SLC38A6: variants seen among roughly 807,000 people sequenced by gnomAD.
The protein encoded by SLC38A6 is solute carrier family 38 member 6.
In SLC38A6, 73 loss-of-function variants were observed where a neutral mutation model predicts 65.0. That is an observed-to-expected ratio of 1.12 (90% CI 0.93 to 1.37). The LOEUF (loss-of-function observed/expected upper bound fraction) is 1.37, where lower values mean the gene tolerates loss of function less well. Ranked by LOEUF, SLC38A6 falls within the 40% of genes most tolerant of loss-of-function variation. SLC38A6 has a pLI of 0.00. For missense variants in SLC38A6, 561 were observed against 531.1 expected, an observed-to-expected ratio of 1.06 and a Z score of -0.55; for synonymous variants, 183 against 178.8, an observed-to-expected ratio of 1.02 and a Z score of -0.19.
chr14:60,992,289 T>C (rs1417651460), intron 3 of SLC38A6, among the ~76,000 whole-genome samples: 1 of 152,206 alleles, frequency 6.6e-6, no homozygotes, highest in Non-Finnish European at 1.5e-5. Flanking sequence ...ATTAAACTTA[T>C]CTTTCATCTT....
intron 15 of SLC38A6, among the ~76,000 whole-genome samples, chr14:61,074,209 T>C (rs978366895): frequency 1.3e-5 from 2 of 152,230 alleles, no homozygotes; most frequent in Non-Finnish European, 2.9e-5. Context: ...AATACATTTA[T>C]ATTTGCTGAA....
chr14:61,036,061 T>A (rs772806880), intron 6 of SLC38A6, among the ~76,000 whole-genome samples: 25 of 152,106 alleles, frequency 1.6e-4, no homozygotes, highest in Non-Finnish European at 3.2e-4. Context: ...TCCTGAAATT[T>A]GGAAAAATGT....
chr14:61,047,932 T>C (rs2042249870), intron 12 of SLC38A6, among the ~76,000 whole-genome samples: 1 of 151,952 alleles, frequency 6.6e-6, no homozygotes, highest in Non-Finnish European at 1.5e-5. Context: ...GGCAGATAGA[T>C]GGGTGGATGA....
chr14:61,052,518 C>T lies in SLC38A6; in HGVS notation c.*89C>T. 3.5e-6 allele frequency: 5 copies of T among 1,443,820 alleles called. No individual in the cohort carries two copies. Among genetic ancestry groups the T allele is most frequent in the Non-Finnish European group, 4.5e-6 (5 of 1,104,264 alleles). The allele number at this position is 1,443,820 out of a possible 1,614,324, so 89.4% of individuals were successfully genotyped here. On this transcript the variant is annotated 3_prime_UTR_variant, in exon 16 of 16. Transcript: ENST00000267488. ...GGAAGACACCCTGGATGAAAAATAA[C>T]ATTTTAATAAAAATTATTAACAGAA...
chr14:60,998,023 A>G (rs1379640217), intron 3 of SLC38A6, among the ~76,000 whole-genome samples: 1 of 151,716 alleles, frequency 6.6e-6, no homozygotes, highest in African/African-American at 2.4e-5. Flanking sequence ...GAAAAAGCTC[A>G]TAGTCTAATA....
intron 1 of SLC38A6, chr14:60,981,604 A>G: frequency 6.7e-7 from 1 of 1,489,094 alleles, no homozygotes; most frequent in Non-Finnish European, 8.9e-7. Flanking sequence ...AAAGATGAAA[A>G]GCGTCGGGTG....
intron 5 of SLC38A6, among the ~76,000 whole-genome samples, chr14:61,028,683 G>C (rs2139646552): frequency 6.6e-6 from 1 of 152,200 alleles, no homozygotes; most frequent in Non-Finnish European, 1.5e-5. Context: ...CTGAGACATA[G>C]CTGTACTTCT....
At chr14:61,002,634 G>A (rs780211692) in intron 3 of SLC38A6, among the ~76,000 whole-genome samples, 1 of 152,160 alleles carries the variant, frequency 6.6e-6, no homozygotes, top group African/African-American at 2.4e-5. Flanking sequence ...AACGATTCCT[G>A]TGGAGGCCAA....
chr14:61,031,023 T>C (rs2040953223), intron 6 of SLC38A6: 1 of 152,124 alleles, frequency 6.6e-6, no homozygotes, highest in African/African-American at 2.4e-5. Flanking sequence ...GGCAAAAAAA[T>C]AAATTATTTG....
chr14:61,023,286 A>G (rs1337632746), intron 5 of SLC38A6, among the ~76,000 whole-genome samples: 1 of 152,170 alleles, frequency 6.6e-6, no homozygotes, highest in Non-Finnish European at 1.5e-5. Context: ...ATATATTGAA[A>G]TAGGCTGGGT....
Position 61,078,474 on chromosome 14 carries a change from G to A in SLC38A6, c.1291-336G>A, listed in dbSNP as rs912742690. Reference sequence around the variant, plus strand: ...AGCTGAAGGGTAGGATCCTGATGTAGAGAATGCTGGACCCAGGCTGAGCTT... The same window carrying A: ...AGCTGAAGGGTAGGATCCTGATGTAAAGAATGCTGGACCCAGGCTGAGCTT... On this transcript the variant is annotated intron_variant, in intron 15 of 16. Coordinates refer to the SLC38A6 transcript ENST00000354886. 4.6e-5 allele frequency among the ~76,000 whole-genome samples: 7 copies of A among 152,166 alleles called. No individual in the cohort carries two copies. The South Asian group carries it at 1.5e-3, about 32-fold the overall frequency.
chr14:61,020,440 G>A, intron 5 of SLC38A6, among the ~76,000 whole-genome samples: 1 of 152,046 alleles, frequency 6.6e-6, no homozygotes, highest in Admixed American at 6.6e-5. Flanking sequence ...ATAAACTTCA[G>A]CTCTCATAAT....
intron 3 of SLC38A6, among the ~76,000 whole-genome samples, chr14:60,998,425 C>G (rs2038448245): frequency 6.6e-6 from 1 of 152,016 alleles, no homozygotes; most frequent in Admixed American, 6.6e-5. Context: ...TTGGGGACAG[C>G]TGGAGAGGAG....
At chr14:61,023,157 G>C (rs1215509715) in intron 5 of SLC38A6, among the ~76,000 whole-genome samples, 2 of 152,106 alleles carry the variant, frequency 1.3e-5, no homozygotes, top group African/African-American at 4.8e-5. Context: ...TACTATGTAA[G>C]TGATAAAAAA....
intron 3 of SLC38A6, among the ~76,000 whole-genome samples, chr14:61,003,170 C>A (rs1442847246): frequency 6.6e-6 from 1 of 151,986 alleles, no homozygotes; most frequent in Non-Finnish European, 1.5e-5. Context: ...AAATAAAATT[C>A]TACCACTTGT....
chr14:61,066,390 A>G (rs2043018663), intron 15 of SLC38A6, among the ~76,000 whole-genome samples: 1 of 152,198 alleles, frequency 6.6e-6, no homozygotes, highest in Non-Finnish European at 1.5e-5. Flanking sequence ...CAGTCAGGAC[A>G]AGCAATTATA....
At position 60,996,197 on chromosome 14, in the gene SLC38A6, T is replaced by C. The variant is rs543277773; in HGVS notation, c.310+11394T>C. Among the ~76,000 whole-genome samples the C allele has an allele frequency of 4.6e-5, 7 of 152,074 alleles. No individual in the cohort carries two copies. The South Asian group carries it at 1.5e-3, about 32-fold the overall frequency. Reference sequence around the variant, plus strand: ...TGTGAACCTAAAACTGCTCCTAAAATTATTAAAGAAAACACAAGGAAAGAA... The same window carrying C: ...TGTGAACCTAAAACTGCTCCTAAAACTATTAAAGAAAACACAAGGAAAGAA... On this transcript the variant is annotated intron_variant, in intron 3 of 15. Transcript: ENST00000267488.
At chr14:61,016,032 A>G (rs1391698736) in intron 4 of SLC38A6, 76 bp downstream of exon 4, 2 of 1,086,320 alleles carry the variant, frequency 1.8e-6, no homozygotes, top group Non-Finnish European at 2.7e-6. Context: ...AAAAGAGACA[A>G]GTATATACAA....
At chr14:61,028,570 G>A (rs954350120) in intron 5 of SLC38A6, among the ~76,000 whole-genome samples, 2 of 151,964 alleles carry the variant, frequency 1.3e-5, no homozygotes, top group Non-Finnish European at 2.9e-5. Flanking sequence ...TTTTCCTTAC[G>A]AGAATATGAA....
Sources: allele counts gnomAD v4.1 joint callset (sites outside exome capture counted in the v4.1 genomes callset), GRCh38; gene constraint gnomAD v4.1.1; transcripts MANE v1.5; gene names NCBI Gene and HGNC (gene_info 2026-07-23, HGNC 2026-07-21).